Variants in JARID2 observed in about 807,000 individuals in gnomAD.
JARID2 encodes the protein protein Jumonji.
Under a neutral mutation model 125.6 loss-of-function variants are expected in JARID2, and 21 were observed. The observed-to-expected ratio is 0.17, with a 90% CI of 0.12 to 0.24. JARID2 has a LOEUF of 0.24. Ranked by LOEUF, JARID2 falls within the 10% of genes least tolerant of loss-of-function variation. The probability of loss-of-function intolerance (pLI) is 1.00; values close to 1 mark genes in which losing one functional copy is unlikely to be tolerated. For missense variants in JARID2, 1,303 were observed against 1,639.6 expected (o/e 0.79, Z 3.55); for synonymous variants, 736 against 661.6 (o/e 1.11, Z -1.73).
chr6:15,465,239 G>C (rs1768660176), intron 4 of JARID2, among the ~76,000 whole-genome samples: 1 of 152,150 alleles, frequency 6.6e-6, no homozygotes, highest in Admixed American at 6.5e-5. Flanking sequence ...GATCACTTGA[G>C]GTCAGGAGTT....
chr6:15,338,110 G>T (rs567407571), intron 1 of JARID2, among the ~76,000 whole-genome samples: 1 of 152,294 alleles, frequency 6.6e-6, no homozygotes, highest in South Asian at 2.1e-4. Flanking sequence ...CTATTCTCCA[G>T]GTTTTCTTTG....
chr6:15,387,117 A>C (rs1346371727), intron 2 of JARID2, among the ~76,000 whole-genome samples: 2 of 152,184 alleles, frequency 1.3e-5, no homozygotes, highest in Non-Finnish European at 2.9e-5. Context: ...TTTTTTCCCC[A>C]GAGGCACTCT....
intron 1 of JARID2, among the ~76,000 whole-genome samples, chr6:15,277,822 A>T (rs34825990): frequency 0.28 from 41,882 of 150,292 alleles, 6,461 homozygotes; most frequent in Admixed American, 0.35. Flanking sequence ...TAGTTGCAAA[A>T]GGCAAGTTCA....
chr6:15,418,001 A>G (rs866147113), intron 3 of JARID2, among the ~76,000 whole-genome samples: 2 of 151,994 alleles, frequency 1.3e-5, no homozygotes, highest in Non-Finnish European at 2.9e-5. Flanking sequence ...CCCTCTTTTG[A>G]AGTTATTGAG....
At chr6:15,300,989 T>TA (rs1230766378) in intron 1 of JARID2, among the ~76,000 whole-genome samples, 2 of 152,060 alleles carry the variant, frequency 1.3e-5, no homozygotes, top group Non-Finnish European at 2.9e-5. Context: ...GATACTGGGG[T>TA]AAGAAGGTTC....
intron 1 of JARID2, among the ~76,000 whole-genome samples, chr6:15,353,085 C>T (rs976666954): frequency 1.8e-4 from 27 of 152,122 alleles, no homozygotes; most frequent in African/African-American, 5.3e-4. Context: ...ATTTCTGGGT[C>T]ACATGGCAAC....
intron 3 of JARID2, among the ~76,000 whole-genome samples, chr6:15,444,512 C>G (rs554776315): frequency 2.6e-5 from 4 of 152,046 alleles, no homozygotes; most frequent in Non-Finnish European, 4.4e-5. Flanking sequence ...CGCACACACA[C>G]GGGCACACTC....
chr6:15,516,426 C>T (rs1185058650), intron 16 of JARID2, among the ~76,000 whole-genome samples: 1 of 152,222 alleles, frequency 6.6e-6, no homozygotes, highest in Non-Finnish European at 1.5e-5. Context: ...CTAGACAGGC[C>T]CCCAGTGAGG....
intron 2 of JARID2, among the ~76,000 whole-genome samples, chr6:15,390,454 C>T (rs963343858): frequency 6.6e-6 from 1 of 152,190 alleles, no homozygotes; most frequent in African/African-American, 2.4e-5. Flanking sequence ...TTCTAGCCTT[C>T]TGGGGTCTCC....
chr6:15,282,680 C>T (rs377143019), intron 1 of JARID2, among the ~76,000 whole-genome samples: 6 of 152,274 alleles, frequency 3.9e-5, no homozygotes, highest in Admixed American at 2.6e-4. Context: ...TCTCAGCTCA[C>T]CGCAACCTCC....
chr6:15,471,602 G>T (rs1223917965), intron 5 of JARID2, among the ~76,000 whole-genome samples: 4 of 152,214 alleles, frequency 2.6e-5, no homozygotes, highest in Admixed American at 2.0e-4. Flanking sequence ...TACTAGTGCA[G>T]TTGTACTGGG....
At chr6:15,462,817 G>A (rs552787936) in intron 4 of JARID2, among the ~76,000 whole-genome samples, 1 of 152,302 alleles carries the variant, frequency 6.6e-6, no homozygotes, top group East Asian at 1.9e-4. Context: ...GCTTGTCTGT[G>A]TACATGATTC....
intron 1 of JARID2, among the ~76,000 whole-genome samples, chr6:15,337,837 A>G (rs1762932176): frequency 6.6e-6 from 1 of 152,186 alleles, no homozygotes; most frequent in Non-Finnish European, 1.5e-5. Flanking sequence ...GAGACACTCT[A>G]CACAGATACA....
At chr6:15,265,763 T>G (rs987815972) in intron 1 of JARID2, among the ~76,000 whole-genome samples, 3 of 152,170 alleles carry the variant, frequency 2.0e-5, no homozygotes, top group African/African-American at 7.2e-5. Context: ...GTTCACTTGC[T>G]TTTGGACTGG....
chr6:15,254,117 G>GT (rs1759562472), intron 1 of JARID2, among the ~76,000 whole-genome samples: 1 of 152,188 alleles, frequency 6.6e-6, no homozygotes, highest in Non-Finnish European at 1.5e-5. Context: ...TGTATTTGTT[G>GT]TTTTTTGAAG....
intron 1 of JARID2, chr6:15,247,497 ATC>A: frequency 1.0e-6 from 1 of 979,184 alleles, no homozygotes; most frequent in Non-Finnish European, 1.2e-6. Context: ...CACTCGAGTG[ATC>A]TGTGATTAGC....
intron 1 of JARID2, among the ~76,000 whole-genome samples, chr6:15,295,734 G>T (rs1223542510): frequency 1.3e-5 from 2 of 152,156 alleles, no homozygotes; most frequent in Non-Finnish European, 2.9e-5. Context: ...CACAACCTCG[G>T]TTTACTGCAA....
intron 1 of JARID2, among the ~76,000 whole-genome samples, chr6:15,269,888 C>G (rs1386292831): frequency 6.6e-6 from 1 of 152,160 alleles, no homozygotes; most frequent in Admixed American, 6.5e-5. Flanking sequence ...AACATGGTCT[C>G]AAGTTGAGTT....
chr6:15,399,586 A>G (rs1333311426), intron 2 of JARID2, among the ~76,000 whole-genome samples: 1 of 152,158 alleles, frequency 6.6e-6, no homozygotes, highest in Non-Finnish European at 1.5e-5. Flanking sequence ...AGCTTTAATT[A>G]TTTAGGAAAC....
Sources: allele counts gnomAD v4.1 joint callset (sites outside exome capture counted in the v4.1 genomes callset), GRCh38; gene constraint gnomAD v4.1.1; transcripts MANE v1.5; gene names NCBI Gene and HGNC (gene_info 2026-07-23, HGNC 2026-07-21).